Variants in EVC2 observed in about 807,000 individuals in gnomAD.
EVC2 encodes limbin.
Under a neutral mutation model 149.3 loss-of-function variants are expected in EVC2, and 148 were observed. The observed-to-expected ratio is 0.99, with a 90% CI of 0.87 to 1.14. The LOEUF is 1.14. EVC2 is among the 50% of genes most tolerant of loss of function. The pLI is 0.00. For synonymous variants in EVC2, 776 were observed against 649.9 expected (o/e 1.19, Z -2.95); for missense variants, 1,854 against 1,627.3 (o/e 1.14, Z -2.40).
intron 21 of EVC2, among the ~76,000 whole-genome samples, chr4:5,549,727 T>C (rs1379926725): frequency 2.0e-5 from 3 of 152,134 alleles, no homozygotes; most frequent in Admixed American, 6.5e-5. Flanking sequence ...ATCCAAAGTT[T>C]AGAAGTAAAT....
intron 16 of EVC2, among the ~76,000 whole-genome samples, chr4:5,607,507 C>T (rs1046860869): frequency 6.6e-6 from 1 of 152,182 alleles, no homozygotes; most frequent in Admixed American, 6.5e-5. Flanking sequence ...CTGTAGCTGA[C>T]TTTCCCATTT....
At position 5,679,846 on chromosome 4, in the gene EVC2, T is replaced by C. The variant is rs894046559; in HGVS notation, c.870+1414A>G. Reference sequence around the variant, plus strand: ...CTTTGTAATTTTTTTTTTAACATTTTGACTCTTTGGTAATAACACAGCTTA... The same window carrying C: ...CTTTGTAATTTTTTTTTTAACATTTCGACTCTTTGGTAATAACACAGCTTA... On this transcript the variant is annotated intron_variant, in intron 7 of 21. Transcript: ENST00000344408. The surrounding 1 kb of genome is among the most constrained non-coding windows in gnomAD (Gnocchi z 5.1). Among the ~76,000 whole-genome samples the C allele has an allele frequency of 6.6e-6, 1 of 152,196 alleles. No homozygotes were observed. Among genetic ancestry groups the C allele is most frequent in the African/African-American group, 2.4e-5 (1 of 41,438 alleles).
chr4:5,593,900 G>T (rs13106002), intron 16 of EVC2, among the ~76,000 whole-genome samples: 1 of 152,022 alleles, frequency 6.6e-6, no homozygotes, highest in African/African-American at 2.4e-5. Context: ...CTTAAAAAAC[G>T]ACGCACCAGG....
intron 9 of EVC2, among the ~76,000 whole-genome samples, chr4:5,661,403 G>GTCT (rs1718865097): frequency 6.6e-6 from 1 of 152,112 alleles, no homozygotes; most frequent in African/African-American, 2.4e-5. Flanking sequence ...TCCTCAGATT[G>GTCT]TCTTCTCAAC....
chr4:5,565,407 C>G, intron 20 of EVC2, 48 bp from the exon 21 acceptor site: 1 of 1,568,742 alleles, frequency 6.4e-7, no homozygotes, highest in Non-Finnish European at 8.8e-7. Flanking sequence ...CGCCTGTAAT[C>G]CCACTGTAAT....
At chr4:5,584,966 T>C (rs532148532) in intron 16 of EVC2, 116 bp from the exon 17 acceptor site, 1 of 1,140,936 alleles carries the variant, frequency 8.8e-7, no homozygotes, top group East Asian at 2.5e-5. Flanking sequence ...CACCAAAAGT[T>C]TACAATGGAG....
At chr4:5,699,003 T>C (rs116655054) in intron 1 of EVC2, among the ~76,000 whole-genome samples, 1,648 of 152,294 alleles carry the variant, frequency 0.011, 26 homozygotes, top group African/African-American at 0.037. Context: ...GTCTGTGTGT[T>C]TCAGCCCCAG....
intron 6 of EVC2, among the ~76,000 whole-genome samples, chr4:5,682,353 G>A (rs1280448214): frequency 6.6e-6 from 1 of 151,724 alleles, no homozygotes; most frequent in South Asian, 2.1e-4. Flanking sequence ...AGCTGGGTGT[G>A]GTGGCGGGCA....
At chr4:5,546,884 G>T (rs1721632702) in intron 21 of EVC2, among the ~76,000 whole-genome samples, 2 of 152,116 alleles carry the variant, frequency 1.3e-5, no homozygotes, top group African/African-American at 2.4e-5. Flanking sequence ...GGACAAGTGG[G>T]AGCCCTGCAC....
intron 21 of EVC2, among the ~76,000 whole-genome samples, chr4:5,543,809 G>A (rs1721562415): frequency 6.6e-6 from 1 of 152,232 alleles, no homozygotes; most frequent in African/African-American, 2.4e-5. Context: ...CACCAGGGCT[G>A]CGAGGGGCAT....
At chr4:5,676,103 T>C (rs902407495) in intron 7 of EVC2, among the ~76,000 whole-genome samples, 2 of 152,156 alleles carry the variant, frequency 1.3e-5, no homozygotes, top group Non-Finnish European at 2.9e-5. Context: ...CCCAGCCCTT[T>C]CATGGGCACA....
intron 20 of EVC2, among the ~76,000 whole-genome samples, chr4:5,568,185 G>C (rs1167794066): frequency 6.6e-6 from 1 of 151,904 alleles, no homozygotes; most frequent in Non-Finnish European, 1.5e-5. Context: ...CATTTTTCTA[G>C]GTCATAAAAC....
rs377039326 is a variant in EVC2, at chr4:5,662,140, C to T, written c.1145+967G>A. Among the ~76,000 whole-genome samples, 39 of 152,304 alleles carry T rather than the reference C, an allele frequency of 2.6e-4. 6 individuals carry two copies. The highest frequency in any genetic ancestry group is 3.9e-4 in the Admixed American group (6 of 15,300). ...CACATCAGCCACACTTGGCTACTGA[C>T]ATCTCACCAAACGCACCTTGCTCCT... is the stretch of plus-strand genomic sequence containing the variant. On this transcript the variant is annotated intron_variant, in intron 9 of 21. Transcript: ENST00000344408.
At chr4:5,709,341 G>C (rs1722435014), upstream of EVC2, 1 of 152,286 alleles carries the variant, frequency 6.6e-6, no homozygotes, top group Non-Finnish European at 1.5e-5. Context: ...CCTAGGTCCT[G>C]GGTGACAGCT....
At chr4:5,548,818 C>A (rs1006451384) in intron 21 of EVC2, among the ~76,000 whole-genome samples, 1 of 152,092 alleles carries the variant, frequency 6.6e-6, no homozygotes, top group Non-Finnish European at 1.5e-5. Flanking sequence ...ACAGAAGGCA[C>A]AAAGGAAAAA....
intron 21 of EVC2, among the ~76,000 whole-genome samples, chr4:5,555,210 C>G (rs1319327411): frequency 6.6e-6 from 1 of 151,720 alleles, no homozygotes; most frequent in Non-Finnish European, 1.5e-5. Context: ...AATGATTAAT[C>G]AAAACCAGAG....
At position 5,634,027 on chromosome 4, in the gene EVC2, C is replaced by A. The variant is rs531905326; in HGVS notation, c.1471-1995G>T. Reference sequence around the variant, plus strand: ...AAGAGGTCCAAGGGCCAACACATGGCATCCCCTGCCTTGCAGGTGCTCACA... The same window carrying A: ...AAGAGGTCCAAGGGCCAACACATGGAATCCCCTGCCTTGCAGGTGCTCACA... On this transcript the variant is annotated intron_variant, in intron 10 of 21. Coordinates refer to ENST00000344408, the MANE Select transcript of EVC2 (RefSeq NM_147127.5). Among the ~76,000 whole-genome samples the A allele has an allele frequency of 3.3e-5, 5 of 152,342 alleles. No homozygotes were observed. In the South Asian group the frequency reaches 1.0e-3, roughly 32 times the overall value.
chr4:5,700,591 T>G (rs1378383175), intron 1 of EVC2, among the ~76,000 whole-genome samples: 1 of 152,148 alleles, frequency 6.6e-6, no homozygotes, highest in African/African-American at 2.4e-5. Context: ...CTGACCTCCA[T>G]GAGAACCCTG....
Position 5,592,330 on chromosome 4 carries a change from C to G in EVC2, c.2830-7480G>C, listed in dbSNP as rs1219471059. Among the ~76,000 whole-genome samples, 3 of 152,210 alleles carry G rather than the reference C, an allele frequency of 2.0e-5. No individual in the cohort carries two copies. The East Asian group carries it at 5.8e-4, about 29-fold the overall frequency. On this transcript the variant is annotated intron_variant, in intron 16 of 21. Coordinates refer to ENST00000344408, the MANE Select transcript of EVC2 (RefSeq NM_147127.5). The stretch of plus-strand genomic sequence containing the variant: ...CATTCCTTCTTTAATCACAAATGCC[C>G]TCCTTGGAGAAAAGTGGGCCAAGGG...
Sources: allele counts gnomAD v4.1 joint callset (sites outside exome capture counted in the v4.1 genomes callset), GRCh38; gene constraint gnomAD v4.1.1; non-coding constraint Gnocchi (gnomAD v3.1); transcripts MANE v1.5; gene names NCBI Gene and HGNC (gene_info 2026-07-23, HGNC 2026-07-21).